The following CSGALNACT1 variants were observed in gnomAD, a reference collection of about 807,000 sequenced individuals.
CSGALNACT1 encodes chondroitin sulfate N-acetylgalactosaminyltransferase 1, also known as beta4GalNAcT-1.
Under a neutral mutation model 51.0 loss-of-function variants are expected in CSGALNACT1, and 52 were observed. The ratio of observed to expected loss-of-function variants is 1.02; its 90% CI spans 0.82 to 1.29. The LOEUF is 1.29. Among genes scored for constraint, CSGALNACT1 ranks in the 50% most tolerant of loss-of-function variants. The pLI, the probability that CSGALNACT1 is intolerant of heterozygous loss-of-function variation, is 0.00. For synonymous variants in CSGALNACT1, 341 were observed against 254.4 expected (o/e 1.34, Z -3.24); for missense variants, 935 against 679.2 (o/e 1.38, Z -4.19).
chr8:19,576,543 C>T (rs2044260013), intron 3 of CSGALNACT1, among the ~76,000 whole-genome samples: 1 of 151,990 alleles, frequency 6.6e-6, no homozygotes, highest in Admixed American at 6.6e-5. Context: ...AGATTGCTGT[C>T]ACCTTCTCGG....
At chr8:19,704,375 A>G (rs2062043073) in intron 1 of CSGALNACT1, among the ~76,000 whole-genome samples, 1 of 152,258 alleles carries the variant, frequency 6.6e-6, no homozygotes, top group Non-Finnish European at 1.5e-5. Flanking sequence ...AACCACAGTC[A>G]TCTATCACTT....
At chr8:19,467,599 G>T (rs957930698) in intron 4 of CSGALNACT1, among the ~76,000 whole-genome samples, 2 of 152,098 alleles carry the variant, frequency 1.3e-5, no homozygotes, top group Admixed American at 6.5e-5. Context: ...CCAGCCTCGC[G>T]GAGTTCAAAT....
chr8:19,716,705 T>A (rs1415890491), intron 1 of CSGALNACT1, among the ~76,000 whole-genome samples: 1 of 144,914 alleles, frequency 6.9e-6, no homozygotes, highest in Admixed American at 7.0e-5. Flanking sequence ...GGCATGAGAA[T>A]CACGGGAACA....
At chr8:19,417,100 C>G (rs2057040269) in intron 8 of CSGALNACT1, among the ~76,000 whole-genome samples, 2 of 152,078 alleles carry the variant, frequency 1.3e-5, no homozygotes, top group Admixed American at 6.6e-5. Context: ...AGTGATCTGC[C>G]CATCTCGGCC....
intron 6 of CSGALNACT1, among the ~76,000 whole-genome samples, chr8:19,422,962 A>G (rs1392415948): frequency 2.0e-5 from 3 of 152,156 alleles, no homozygotes; most frequent in South Asian, 2.1e-4. Context: ...CCAGGTTCCT[A>G]TCTTTTGGGA....
chr8:19,429,482 T>C (rs960093182), intron 6 of CSGALNACT1, among the ~76,000 whole-genome samples: 6 of 152,346 alleles, frequency 3.9e-5, no homozygotes, highest in African/African-American at 1.4e-4. Flanking sequence ...CTGGCCATTA[T>C]TGACCTTTTA....
chr8:19,684,863 AC>A (rs1337962932), upstream of CSGALNACT1, among the ~76,000 whole-genome samples: 3 of 152,156 alleles, frequency 2.0e-5, no homozygotes, highest in African/African-American at 7.2e-5. Flanking sequence ...GTAAATATTC[AC>A]TTTGGTATGT....
chr8:19,525,615 CAAAAAAAAAAAAAAAAA>C (rs34787475), intron 3 of CSGALNACT1, among the ~76,000 whole-genome samples: 270 of 20,428 alleles, frequency 0.013, 11 homozygotes, highest in African/African-American at 0.04. Context: ...AAACTTGTCC[CAAAAAAAAAAAAAAAAA>C]AAAAAAAAAA....
At chr8:19,566,054 A>G (rs948057059) in intron 3 of CSGALNACT1, among the ~76,000 whole-genome samples, 1 of 152,370 alleles carries the variant, frequency 6.6e-6, no homozygotes, top group Non-Finnish European at 1.5e-5. Context: ...AAAAAGATGT[A>G]TCTGTCTCCT....
intron 9 of CSGALNACT1, among the ~76,000 whole-genome samples, 165 bp from the exon 9 acceptor site, chr8:19,406,234 G>C (rs531429951): frequency 6.6e-6 from 1 of 152,030 alleles, no homozygotes; most frequent in Non-Finnish European, 1.5e-5. Context: ...GAAGCCCCGA[G>C]AATTCCCCAA....
chr8:19,679,866 C>A (rs2060469458), intron 1 of CSGALNACT1, among the ~76,000 whole-genome samples: 1 of 152,172 alleles, frequency 6.6e-6, no homozygotes, highest in African/African-American at 2.4e-5. Context: ...ATCTCAATTT[C>A]CTACCCTATA....
At chr8:19,594,474 A>G (rs2048471285) in intron 2 of CSGALNACT1, among the ~76,000 whole-genome samples, 1 of 152,198 alleles carries the variant, frequency 6.6e-6, no homozygotes, top group South Asian at 2.1e-4. Context: ...TCAAAGGAAG[A>G]AAAGTTAGGT....
chr8:19,463,512 G>T (rs1174996375), intron 4 of CSGALNACT1, among the ~76,000 whole-genome samples: 1 of 152,182 alleles, frequency 6.6e-6, no homozygotes, highest in Non-Finnish European at 1.5e-5. Flanking sequence ...GGCATGGGGG[G>T]AGGGGTGGTG....
intron 4 of CSGALNACT1, among the ~76,000 whole-genome samples, chr8:19,463,799 C>G (rs1220270702): frequency 6.6e-6 from 1 of 152,208 alleles, no homozygotes; most frequent in Non-Finnish European, 1.5e-5. Flanking sequence ...ACTCCTTGTG[C>G]AAGTATCCCA....
chr8:19,683,097 G>GTT, upstream of CSGALNACT1: 1 of 222,424 alleles, frequency 4.5e-6, no homozygotes, highest in Non-Finnish European at 9.2e-6. Flanking sequence ...TGCGATCACA[G>GTT]GACATAATGG....
At chr8:19,514,286 C>T (rs1372053105) in intron 3 of CSGALNACT1, among the ~76,000 whole-genome samples, 2 of 151,562 alleles carry the variant, frequency 1.3e-5, no homozygotes, top group Non-Finnish European at 2.9e-5. Context: ...GCCCTGACAC[C>T]GAGCTACTTA....
intron 1 of CSGALNACT1, among the ~76,000 whole-genome samples, chr8:19,614,631 T>G (rs1024665498): frequency 3.9e-5 from 6 of 152,242 alleles, no homozygotes; most frequent in African/African-American, 7.2e-5. Flanking sequence ...GAGATTGGTT[T>G]TATGCTTCTC....
intron 6 of CSGALNACT1, among the ~76,000 whole-genome samples, chr8:19,438,363 G>C (rs1318091961): frequency 2.6e-5 from 4 of 152,150 alleles, no homozygotes; most frequent in Admixed American, 2.0e-4. Context: ...CCTACCCACT[G>C]GGCAGAGGAC....
At chr8:19,645,710 GC>G (rs1239250065) in intron 1 of CSGALNACT1, among the ~76,000 whole-genome samples, 1 of 152,236 alleles carries the variant, frequency 6.6e-6, no homozygotes, top group Non-Finnish European at 1.5e-5. Context: ...TGACTTGCAA[GC>G]ACAGGGGGAA....
Sources: allele counts gnomAD v4.1 joint callset (sites outside exome capture counted in the v4.1 genomes callset), GRCh38; gene constraint gnomAD v4.1.1; transcripts MANE v1.5; gene names NCBI Gene and HGNC (gene_info 2026-07-23, HGNC 2026-07-21).